The following RAB6A variants were observed in gnomAD, a reference collection of about 807,000 sequenced individuals.
RAB6A encodes RAB6A, member RAS oncogene family.
In RAB6A, 8 loss-of-function variants were observed where a neutral mutation model predicts 32.3. The ratio of observed to expected loss-of-function variants is 0.25; its 90% CI spans 0.15 to 0.45. RAB6A has a LOEUF of 0.45. Ranked by LOEUF, RAB6A falls within the 20% of genes least tolerant of loss-of-function variation. The probability of loss-of-function intolerance (pLI) is 1.00; values close to 1 mark genes in which losing one functional copy is unlikely to be tolerated. For synonymous variants in RAB6A, 73 were observed against 82.1 expected (o/e 0.89, Z 0.60); for missense variants, 104 against 249.4 (o/e 0.42, Z 3.93).
chr11:73,733,276 C>T (rs1423070207), intron 1 of RAB6A, among the ~76,000 whole-genome samples: 1 of 152,068 alleles, frequency 6.6e-6, no homozygotes, highest in Non-Finnish European at 1.5e-5. Context: ...AGGCCAGGCG[C>T]GGTGGCTCAC....
intron 6 of RAB6A, among the ~76,000 whole-genome samples, chr11:73,681,135 G>A (rs952883179): frequency 2.0e-5 from 3 of 152,166 alleles, no homozygotes; most frequent in African/African-American, 7.2e-5. Flanking sequence ...TTGAGGCAGT[G>A]TATCAGGCAG....
intron 1 of RAB6A, among the ~76,000 whole-genome samples, chr11:73,754,173 C>T (rs761825013): frequency 1.3e-5 from 2 of 152,222 alleles, no homozygotes; most frequent in Non-Finnish European, 2.9e-5. Flanking sequence ...TACTCTCCAT[C>T]TCTACCAGTC....
intron 1 of RAB6A, among the ~76,000 whole-genome samples, chr11:73,731,684 T>TTTTATATATATATA (rs1555064991): frequency 2.8e-4 from 4 of 14,520 alleles, no homozygotes; most frequent in African/African-American, 7.7e-4. Context: ...TAGATAGATA[T>TTTTATATATATATA]TATATATATA....
chr11:73,722,343 A>ATT (rs537309131), intron 2 of RAB6A: 3 of 15,364 alleles, frequency 2.0e-4, no homozygotes, highest in African/African-American at 8.0e-4. Context: ...ATATATATAT[A>ATT]TTTTTTTTTT....
At chr11:73,742,710 T>C (rs1017880435) in intron 1 of RAB6A, among the ~76,000 whole-genome samples, 1 of 152,104 alleles carries the variant, frequency 6.6e-6, no homozygotes, top group Non-Finnish European at 1.5e-5. Context: ...CTTGGGAGGC[T>C]GAGGCAGGAG....
Position 73,717,235 on chromosome 11 carries a change from A to G in RAB6A, c.290-873T>C, listed in dbSNP as rs545636603. On this transcript the variant is annotated intron_variant, in intron 4 of 7. Coordinates refer to ENST00000336083, the MANE Select transcript of RAB6A (RefSeq NM_198896.2). ...GCACAATTATTCGTTATTAGATAAC[A>G]ATTCCTAATTGAGGAGATATGCAAG... 2.0e-5 allele frequency among the ~76,000 whole-genome samples: 3 copies of G among 152,374 alleles called. No individual in the cohort carries two copies. The South Asian group carries it at 6.2e-4, about 32-fold the overall frequency.
intron 6 of RAB6A, among the ~76,000 whole-genome samples, chr11:73,685,977 G>A (rs1188871652): frequency 3.3e-5 from 5 of 151,400 alleles, no homozygotes; most frequent in Non-Finnish European, 7.4e-5. Flanking sequence ...TGCAGGCTTG[G>A]GGAACAGAGA....
chr11:73,680,699 A>G (rs1322364244), intron 6 of RAB6A, among the ~76,000 whole-genome samples: 2 of 152,116 alleles, frequency 1.3e-5, no homozygotes, highest in Non-Finnish European at 2.9e-5. Flanking sequence ...AGTGTATAAT[A>G]TATTGTGAAA....
At position 73,697,438 on chromosome 11, in the gene RAB6A, C is replaced by G. The variant is rs189955517; in HGVS notation, c.495+9982G>C. Among the ~76,000 whole-genome samples, 386 of 152,206 alleles carry G rather than the reference C, an allele frequency of 2.5e-3. 2 individuals are homozygous for G. Among genetic ancestry groups the G allele is most frequent in the Non-Finnish European group, 2.9e-3 (196 of 68,018 alleles). On this transcript the variant is annotated intron_variant, in intron 6 of 7. Coordinates refer to ENST00000336083, the MANE Select transcript of RAB6A (RefSeq NM_198896.2). ...CTCCGCCTCACTGCAACCTCCACCA[C>G]CCAGGTTCAAGTGATTCTTGTGCTT...
At chr11:73,687,996 G>C (rs909944869) in intron 6 of RAB6A, among the ~76,000 whole-genome samples, 1 of 152,176 alleles carries the variant, frequency 6.6e-6, no homozygotes, top group African/African-American at 2.4e-5. Flanking sequence ...CTTTCTTAGT[G>C]TATCATATCA....
intron 6 of RAB6A, among the ~76,000 whole-genome samples, chr11:73,694,786 G>A (rs1232928698): frequency 6.6e-6 from 1 of 152,194 alleles, no homozygotes; most frequent in Non-Finnish European, 1.5e-5. Context: ...GGCCAAGGTG[G>A]GCAGATCACT....
chr11:73,696,880 C>T (rs960782620), intron 6 of RAB6A, among the ~76,000 whole-genome samples: 7 of 151,908 alleles, frequency 4.6e-5, no homozygotes, highest in South Asian at 2.1e-4. Flanking sequence ...CTGGGATTAC[C>T]GGGCATGAGC....
In RAB6A at chr11:73,750,726, C is replaced by A. The variant is rs550138424; in HGVS notation, c.70+9840G>T. ...TGTCACATATTGTTTATTAATTCATCTGTGGATGGATACTTGTTTGCCTCT... is the reference window on the plus strand; with the variant it reads ...TGTCACATATTGTTTATTAATTCATATGTGGATGGATACTTGTTTGCCTCT... On this transcript the variant is annotated intron_variant, in intron 1 of 7. Coordinates refer to ENST00000336083, the MANE Select transcript of RAB6A (RefSeq NM_198896.2). Among the ~76,000 whole-genome samples the A allele has an allele frequency of 2.1e-3, 321 of 152,272 alleles. 2 individuals carry two copies. The highest frequency in any genetic ancestry group is 3.6e-3 in the Non-Finnish European group (242 of 68,022).
chr11:73,726,581 C>CAAA (rs60281561), intron 2 of RAB6A, among the ~76,000 whole-genome samples: 1,695 of 29,850 alleles, frequency 0.057, 490 homozygotes, highest in African/African-American at 0.11. Context: ...GACTCTGTCT[C>CAAA]AAAAAAAAAA....
intron 1 of RAB6A, among the ~76,000 whole-genome samples, chr11:73,749,565 T>C (rs1946642810): frequency 1.3e-5 from 2 of 152,100 alleles, no homozygotes; most frequent in Admixed American, 1.3e-4. Context: ...CAAAATAGGC[T>C]GGGCTCAGTG....
At chr11:73,734,791 G>C (rs1233520840) in intron 1 of RAB6A, among the ~76,000 whole-genome samples, 1 of 151,880 alleles carries the variant, frequency 6.6e-6, no homozygotes, top group Non-Finnish European at 1.5e-5. Flanking sequence ...TAAAATCTAG[G>C]AGAAAAAAAA....
chr11:73,700,367 A>G (rs2134903639), intron 6 of RAB6A, among the ~76,000 whole-genome samples: 1 of 152,288 alleles, frequency 6.6e-6, no homozygotes, highest in South Asian at 2.1e-4. Flanking sequence ...TTGGGAGGCC[A>G]AGGCTGGTGG....
chr11:73,678,736 TG>T (rs201191998), intron 7 of RAB6A, among the ~76,000 whole-genome samples: 20 of 135,392 alleles, frequency 1.5e-4, no homozygotes, highest in African/African-American at 5.6e-4. Context: ...TTTTTTTTTT[TG>T]GGGGGGGAAT....
At chr11:73,696,322 T>C (rs1945655227) in intron 6 of RAB6A, among the ~76,000 whole-genome samples, 1 of 152,102 alleles carries the variant, frequency 6.6e-6, no homozygotes, top group South Asian at 2.1e-4. Context: ...CTCGACCTCC[T>C]GAGTAGCTGA....
Sources: allele counts gnomAD v4.1 joint callset (sites outside exome capture counted in the v4.1 genomes callset), GRCh38; gene constraint gnomAD v4.1.1; transcripts MANE v1.5; gene names NCBI Gene and HGNC (gene_info 2026-07-23, HGNC 2026-07-21).